The following MED28 variants were observed in gnomAD, a reference collection of about 807,000 sequenced individuals.
The protein encoded by MED28 is mediator complex subunit 28.
In MED28, 26 loss-of-function variants were observed where a neutral mutation model predicts 21.3. The observed-to-expected ratio is 1.22, with a 90% CI of 0.89 to 1.69. The LOEUF (loss-of-function observed/expected upper bound fraction) is 1.69, where lower values mean the gene tolerates loss of function less well. Among genes scored for constraint, MED28 ranks in the 40% most tolerant of loss-of-function variants. The pLI is 0.00. For missense variants in MED28, 257 were observed against 215.4 expected, an observed-to-expected ratio of 1.19 and a Z score of -1.21; for synonymous variants, 110 against 87.6, an observed-to-expected ratio of 1.26 and a Z score of -1.43.
rs1714684178 is a variant in MED28, at chr4:17,623,190, C to T, written c.340-411C>T. 3.9e-5 allele frequency among the ~76,000 whole-genome samples: 6 copies of T among 152,226 alleles called. No individual in the cohort carries two copies. In the South Asian group the frequency reaches 1.2e-3, roughly 32 times the overall value. ...CTGAAGCAGGTGGATAACTTGAGGT[C>T]AGGAGTTCGAGATTAGCCTAGCCAA... is the stretch of plus-strand genomic sequence containing the variant. On this transcript the variant is annotated intron_variant, in intron 3 of 3. Coordinates refer to ENST00000237380, the MANE Select transcript of MED28 (RefSeq NM_025205.5).
chr4:17,622,383 T>TA (rs1316051118), intron 3 of MED28, among the ~76,000 whole-genome samples: 1 of 152,230 alleles, frequency 6.6e-6, no homozygotes, highest in African/African-American at 2.4e-5. Context: ...TCATTCATGA[T>TA]ACCAGCTGTT....
At position 17,614,793 on chromosome 4, in the gene MED28, G is replaced by A. The variant is rs756507054; in HGVS notation, c.139G>A (p.Glu47Lys). The change falls in exon 1 of 4, where the codon GAG becomes AAG. Residue 47 changes from glutamate to lysine, a missense_variant. Physicochemically the swap from Glu to Lys is moderately conservative, Grantham distance 56. Coordinates refer to ENST00000237380, the MANE Select transcript of MED28 (RefSeq NM_025205.5). ...ACCTTCCAGCAGTACTTTGGTGGAC[G>A]AGTTGGAGTCATCTTTCGAGGTAAT... ...PRPSSSTLVD[E>K]LESSFEACFA... The A allele has an allele frequency of 6.2e-7, 1 of 1,609,080 alleles. No individual in the cohort carries two copies. Among genetic ancestry groups the A allele is most frequent in the South Asian group, 1.1e-5 (1 of 90,776 alleles).
At chr4:17,620,070 A>G (rs1036300431) in intron 2 of MED28, 103 bp downstream of exon 2, 2 of 1,075,774 alleles carry the variant, frequency 1.9e-6, no homozygotes, top group South Asian at 1.3e-5. Flanking sequence ...ATCCTAAGAC[A>G]ACATTTCAGG....
In MED28 at chr4:17,633,773, G is replaced by A; in HGVS notation, c.*9975G>A. 6.4e-7 allele frequency: 1 copy of A among 1,551,654 alleles called. No individual in the cohort carries two copies. Among genetic ancestry groups the A allele is most frequent in the Non-Finnish European group, 8.7e-7 (1 of 1,146,970 alleles). On this transcript the variant is annotated 3_prime_UTR_variant, in exon 4 of 4. Transcript: ENST00000237380. ...GCTTGGGTCCAAGCTGGGTGATGTAGTTATTGGAGGGGCATTAATCCTGGA... is the reference window on the plus strand; with the variant it reads ...GCTTGGGTCCAAGCTGGGTGATGTAATTATTGGAGGGGCATTAATCCTGGA...
At chr4:17,616,546 G>A (rs1427943205) in intron 1 of MED28, among the ~76,000 whole-genome samples, 1 of 152,172 alleles carries the variant, frequency 6.6e-6, no homozygotes, top group Non-Finnish European at 1.5e-5. Flanking sequence ...TGCATGTTGC[G>A]TTCTCTCCTT....
In MED28 at chr4:17,632,583, C is replaced by T. The variant is rs1714988385; in HGVS notation, c.*8785C>T. On this transcript the variant is annotated 3_prime_UTR_variant, in exon 4 of 4. Coordinates refer to ENST00000237380, the MANE Select transcript of MED28 (RefSeq NM_025205.5). ...ATTCCTGGTGCGGAGAGCCCTGTTT[C>T]TGCTGGACTTCTTTGGCTTGGGCCG... 2 of 1,551,318 alleles carry T rather than the reference C, an allele frequency of 1.3e-6. No homozygotes were observed. Among genetic ancestry groups the T allele is most frequent in the Non-Finnish European group, 1.7e-6 (2 of 1,146,816 alleles).
In MED28 at chr4:17,625,922, C is replaced by T. The variant is rs1714761742; in HGVS notation, c.*2124C>T. The T allele has an allele frequency of 5.3e-6, 1 of 189,622 alleles. No individual in the cohort carries two copies. Among genetic ancestry groups the T allele is most frequent in the Non-Finnish European group, 1.1e-5 (1 of 90,542 alleles). The allele number at this position is 189,622 out of a possible 1,614,324, so 11.7% of individuals were successfully genotyped here. On this transcript the variant is annotated 3_prime_UTR_variant, in exon 4 of 4. Coordinates refer to ENST00000237380, the MANE Select transcript of MED28 (RefSeq NM_025205.5). The stretch of plus-strand genomic sequence containing the variant: ...AGGCTTTCAACTTTGAAACAAACAT[C>T]TGTGCCACACACATTTTGTAAATGA...
rs1714772324 is a variant in MED28, at chr4:17,626,361, A to T, written c.*2563A>T. On this transcript the variant is annotated 3_prime_UTR_variant, in exon 4 of 4. Coordinates refer to ENST00000237380, the MANE Select transcript of MED28 (RefSeq NM_025205.5). Reference sequence around the variant, plus strand: ...GAGGGTTATGGAGGAAGAGTATGGGATTTAGGTGGGTTAAGTGATTTGCCC... The same window carrying T: ...GAGGGTTATGGAGGAAGAGTATGGGTTTTAGGTGGGTTAAGTGATTTGCCC... 1 of 152,266 alleles carries T rather than the reference A, an allele frequency of 6.6e-6. No individual in the cohort carries two copies. The highest frequency in any genetic ancestry group is 1.5e-5 in the Non-Finnish European group (1 of 68,106). 9.4% of individuals were successfully genotyped at this position (152,266 alleles called of 1,614,324 possible).
chr4:17,623,061 G>C (rs2108918281), intron 3 of MED28, among the ~76,000 whole-genome samples: 2 of 152,190 alleles, frequency 1.3e-5, no homozygotes, highest in South Asian at 4.1e-4. Flanking sequence ...ATTTCTTTTT[G>C]GCTGCCCTTT....
chr4:17,616,611 T>A (rs1714459921), intron 1 of MED28, among the ~76,000 whole-genome samples: 1 of 152,214 alleles, frequency 6.6e-6, no homozygotes, highest in Non-Finnish European at 1.5e-5. Context: ...TACCATTTGT[T>A]TTCTCTTTGG....
In MED28 at chr4:17,632,708, G is replaced by A. The variant is rs1011784888; in HGVS notation, c.*8910G>A. The A allele has an allele frequency of 3.6e-5, 33 of 915,604 alleles. No individual in the cohort carries two copies. In the South Asian group the frequency reaches 4.4e-4, roughly 12 times the overall value. 56.7% of individuals were successfully genotyped at this position (915,604 alleles called of 1,614,324 possible). A position where few individuals can be genotyped will look rare whatever the true frequency, so the allele number is the denominator to read the frequency against. On this transcript the variant is annotated 3_prime_UTR_variant, in exon 4 of 4. Transcript: ENST00000237380. The stretch of plus-strand genomic sequence containing the variant: ...AATACCCACCATCTTTTCAGGGAAA[G>A]ATAACTGCTTGTTTACTCTTCAAAA...
At chr4:17,615,906 A>G (rs891307294) in intron 1 of MED28, among the ~76,000 whole-genome samples, 1 of 152,224 alleles carries the variant, frequency 6.6e-6, no homozygotes, top group African/African-American at 2.4e-5. Flanking sequence ...ATAATTTGCA[A>G]GCGATTATTC....
At position 17,628,085 on chromosome 4, in the gene MED28, C is replaced by T. The variant is rs982617328; in HGVS notation, c.*4287C>T. The T allele has an allele frequency of 2.8e-4, 43 of 152,174 alleles. No homozygotes were observed. The highest frequency in any genetic ancestry group is 4.8e-5 in the African/African-American group (2 of 41,446). The allele number at this position is 152,174 out of a possible 1,614,324, so 9.4% of individuals were successfully genotyped here. On this transcript the variant is annotated 3_prime_UTR_variant, in exon 4 of 4. Coordinates refer to ENST00000237380, the MANE Select transcript of MED28 (RefSeq NM_025205.5). ...AACACTGTTCGGTCATGCCATTCTC[C>T]TGTTGGACATAAACAGTCTCTGAAT...
intron 3 of MED28, among the ~76,000 whole-genome samples, chr4:17,622,770 C>G (rs909886647): frequency 5.9e-5 from 9 of 152,190 alleles, no homozygotes; most frequent in Non-Finnish European, 8.8e-5. Context: ...GATGGACTTA[C>G]AGTTCCATGT....
At position 17,633,980 on chromosome 4, in the gene MED28, A is replaced by C; in HGVS notation, c.*10182A>C. The C allele has an allele frequency of 9.6e-7, 1 of 1,041,226 alleles. No homozygotes were observed. The allele number at this position is 1,041,226 out of a possible 1,614,324, so 64.5% of individuals were successfully genotyped here. On this transcript the variant is annotated 3_prime_UTR_variant, in exon 4 of 4. Coordinates refer to ENST00000237380, the MANE Select transcript of MED28 (RefSeq NM_025205.5). ...AGCAAATAATGCTCACCCAATCAAA[A>C]TTGTATCGGAGAAGAAGCAACAATT...
In MED28 at chr4:17,627,692, T is replaced by G. The variant is rs1714803606; in HGVS notation, c.*3894T>G. On this transcript the variant is annotated 3_prime_UTR_variant, in exon 4 of 4. Coordinates refer to ENST00000237380, the MANE Select transcript of MED28 (RefSeq NM_025205.5). ...AGGCCATTTCTGCCCGACACAGGCC[T>G]CCTCTAATGAGCAGTCTGAGGCCAG... 1 of 152,286 alleles carries G rather than the reference T, an allele frequency of 6.6e-6. No homozygotes were observed. The highest frequency in any genetic ancestry group is 2.1e-4 in the South Asian group (1 of 4,826). The allele number at this position is 152,286 out of a possible 1,614,324, so 9.4% of individuals were successfully genotyped here.
rs1183086526 is a variant in MED28 at position 17,630,782 on chromosome 4, T to G, written c.*6984T>G. On this transcript the variant is annotated 3_prime_UTR_variant, in exon 4 of 4. Coordinates refer to ENST00000237380, the MANE Select transcript of MED28 (RefSeq NM_025205.5). ...TTTGACAGTTATATGTAATCAGCTT[T>G]TTTTTTTTTAAGATGGTGTGATTGA... 6.6e-6 allele frequency: 1 copy of G among 150,596 alleles called. No individual in the cohort carries two copies. Among genetic ancestry groups the G allele is most frequent in the Non-Finnish European group, 1.5e-5 (1 of 67,464 alleles). 9.3% of individuals were successfully genotyped at this position (150,596 alleles called of 1,614,324 possible).
chr4:17,615,147 C>T (rs980834959), intron 1 of MED28, among the ~76,000 whole-genome samples: 1 of 152,218 alleles, frequency 6.6e-6, no homozygotes, highest in Non-Finnish European at 1.5e-5. Flanking sequence ...AGGCTCAAGC[C>T]TTTTCGGAGC....
intron 1 of MED28, among the ~76,000 whole-genome samples, chr4:17,617,758 A>AT (rs1305540686): frequency 6.6e-6 from 1 of 151,994 alleles, no homozygotes; most frequent in African/African-American, 2.4e-5. Flanking sequence ...AAATACAAAA[A>AT]TTAGTGGTCT....
Sources: allele counts gnomAD v4.1 joint callset (sites outside exome capture counted in the v4.1 genomes callset), GRCh38; gene constraint gnomAD v4.1.1; transcripts MANE v1.5; gene names NCBI Gene and HGNC (gene_info 2026-07-23, HGNC 2026-07-21).